SNTG2: variants seen among roughly 807,000 people sequenced by gnomAD.
SNTG2 encodes gamma-2-syntrophin.
In SNTG2, 74 loss-of-function variants were observed where a neutral mutation model predicts 70.9. The observed-to-expected ratio is 1.04, with a 90% confidence interval of 0.86 to 1.27. SNTG2 has a LOEUF of 1.27. Among genes scored for constraint, SNTG2 ranks in the 50% most tolerant of loss-of-function variants. The probability of loss-of-function intolerance (pLI) is 0.00; values close to 1 mark genes in which losing one functional copy is unlikely to be tolerated. For missense variants in SNTG2, 717 were observed against 690.7 expected, an observed-to-expected ratio of 1.04 and a Z score of -0.43; for synonymous variants, 278 against 273.8, an observed-to-expected ratio of 1.02 and a Z score of -0.15.
In SNTG2 at chr2:1,209,116, C is replaced by G; in HGVS notation, c.605C>G (p.Pro202Arg). 6.2e-7 allele frequency: 1 copy of G among 1,613,972 alleles called. No individual in the cohort carries two copies. Among genetic ancestry groups the G allele is most frequent in the Non-Finnish European group, 8.5e-7 (1 of 1,179,902 alleles). The stretch of plus-strand genomic sequence containing the variant: ...TCTTCTGTACAGGCCCCATCGTCAC[C>G]TTCCTCGCCCATAGCTAAGGACCCG... ...GNSSTTAPSS[P>R]SSPIAKDPRY... The change falls in exon 9 of 17, where the codon CCT (proline) becomes CGT (arginine). Residue 202 changes from proline to arginine, a missense_variant. Physicochemically the swap from Pro to Arg is moderately radical, Grantham distance 103. Transcript: ENST00000308624.
intron 1 of SNTG2, among the ~76,000 whole-genome samples, chr2:1,069,981 C>T (rs1663417750): frequency 6.6e-6 from 1 of 152,074 alleles, no homozygotes; most frequent in Non-Finnish European, 1.5e-5. Flanking sequence ...CACTGTTTCT[C>T]CCTCCAAGTC....
At chr2:1,120,158 TG>T (rs1667292098) in intron 4 of SNTG2, among the ~76,000 whole-genome samples, 2 of 152,150 alleles carry the variant, frequency 1.3e-5, no homozygotes, top group African/African-American at 4.8e-5. Context: ...GTAATTACCT[TG>T]GATATTCCAA....
At chr2:1,044,438 G>GT (rs1292398973) in intron 1 of SNTG2, among the ~76,000 whole-genome samples, 1 of 152,166 alleles carries the variant, frequency 6.6e-6, no homozygotes, top group African/African-American at 2.4e-5. Flanking sequence ...GTTGAAAGGA[G>GT]TGGTGAGAGG....
At chr2:1,215,533 C>T (rs1282590944) in intron 9 of SNTG2, among the ~76,000 whole-genome samples, 3 of 146,832 alleles carry the variant, frequency 2.0e-5, no homozygotes, top group African/African-American at 5.2e-5. Flanking sequence ...GCGTGTTTTA[C>T]ACTAATTCTT....
In SNTG2 at chr2:1,314,872, C is replaced by A. The variant is rs190170447; in HGVS notation, c.1378-1393C>A. Among the ~76,000 whole-genome samples the A allele has an allele frequency of 2.0e-5, 3 of 152,240 alleles. No individual in the cohort carries two copies. The East Asian group carries it at 5.8e-4, about 30-fold the overall frequency. On this transcript the variant is annotated intron_variant, in intron 15 of 16. Coordinates refer to ENST00000308624, the MANE Select transcript of SNTG2 (RefSeq NM_018968.4). ...GCAGGGGAACTGCCCCTTATAAAAC[C>A]ATCAGATCATGTGAGACTTAGTCAC...
chr2:981,287 G>A lies in SNTG2; in HGVS notation c.72+30219G>A, dbSNP rs533638783. On this transcript the variant is annotated intron_variant, in intron 1 of 16. Transcript: ENST00000308624. ...TGGCAGTGGTTTGGGTGATTTCCAG[G>A]CTGGGCCCTGTTGATTCACATGAAA... 5.5e-4 allele frequency among the ~76,000 whole-genome samples: 84 copies of A among 152,312 alleles called. 2 individuals carry two copies. In the South Asian group the frequency reaches 0.015, roughly 28 times the overall value.
intron 1 of SNTG2, among the ~76,000 whole-genome samples, chr2:1,058,015 A>C (rs1450570692): frequency 6.6e-6 from 1 of 152,130 alleles, no homozygotes; most frequent in Non-Finnish European, 1.5e-5. Flanking sequence ...TGACAGAGGG[A>C]GACACTATCT....
chr2:1,208,128 C>G (rs1431509229), intron 8 of SNTG2, among the ~76,000 whole-genome samples: 1 of 152,190 alleles, frequency 6.6e-6, no homozygotes, highest in South Asian at 2.1e-4. Flanking sequence ...GTCCACAGAG[C>G]CCGGAGCTCA....
intron 6 of SNTG2, among the ~76,000 whole-genome samples, chr2:1,156,242 A>C (rs1669889579): frequency 2.0e-5 from 3 of 152,192 alleles, no homozygotes; most frequent in Admixed American, 2.0e-4. Context: ...AGGCGAATGC[A>C]TGGGGCAGAG....
chr2:1,231,256 A>G (rs189719106), intron 9 of SNTG2, among the ~76,000 whole-genome samples: 8 of 152,144 alleles, frequency 5.3e-5, no homozygotes, highest in Admixed American at 4.6e-4. Flanking sequence ...CCATAGGGTA[A>G]CTGCGGGGGT....
chr2:1,110,368 A>G (rs940070691), intron 4 of SNTG2, among the ~76,000 whole-genome samples: 6 of 152,220 alleles, frequency 3.9e-5, no homozygotes, highest in African/African-American at 1.4e-4. Context: ...TCTTAGTGCC[A>G]TGCACATGCC....
intron 16 of SNTG2, among the ~76,000 whole-genome samples, chr2:1,337,208 A>G (rs985170275): frequency 6.6e-6 from 1 of 152,178 alleles, no homozygotes; most frequent in Admixed American, 6.5e-5. Context: ...GTATTGAACA[A>G]GAGTAGAATT....
intron 14 of SNTG2, among the ~76,000 whole-genome samples, chr2:1,289,760 C>T (rs1014835116): frequency 2.6e-5 from 4 of 152,136 alleles, no homozygotes; most frequent in Admixed American, 2.0e-4. Context: ...CTTGCAAAGC[C>T]GAAGCTCCAT....
rs149610865 is a variant in SNTG2, at chr2:1,021,776, TTTA to T, written c.73-61729_73-61727del. On this transcript the variant is annotated intron_variant, in intron 1 of 16. Transcript: ENST00000308624. ...ATAGGAATGCACCACCATGCCCGGATTTATTATTATTATTAATTTTTGTAAAGA... is the reference window on the plus strand; with the variant it reads ...ATAGGAATGCACCACCATGCCCGGATTTATTATTATTAATTTTTGTAAAGA... Among the ~76,000 whole-genome samples, 1,166 of 151,644 alleles carry T rather than the reference TTTA, an allele frequency of 7.7e-3. 21 individuals are homozygous for T. The highest frequency in any genetic ancestry group is 0.026 in the African/African-American group (1,088 of 41,354).
intron 14 of SNTG2, among the ~76,000 whole-genome samples, chr2:1,293,798 C>T (rs565791855): frequency 2.6e-5 from 4 of 152,208 alleles, no homozygotes; most frequent in African/African-American, 7.2e-5. Flanking sequence ...AGTATGATAT[C>T]TACATGGGAG....
chr2:1,242,212 A>C (rs1248361671), intron 11 of SNTG2, among the ~76,000 whole-genome samples: 3 of 152,186 alleles, frequency 2.0e-5, no homozygotes, highest in African/African-American at 7.2e-5. Flanking sequence ...TAAATTTAAG[A>C]CATTAGGCCC....
intron 1 of SNTG2, among the ~76,000 whole-genome samples, chr2:992,375 G>A (rs1661527469): frequency 6.6e-6 from 1 of 152,170 alleles, no homozygotes; most frequent in Non-Finnish European, 1.5e-5. Context: ...TGAAACAGAT[G>A]TGATAATCAA....
chr2:1,183,655 TTA>T (rs529351951), intron 8 of SNTG2, among the ~76,000 whole-genome samples: 1 of 152,334 alleles, frequency 6.6e-6, no homozygotes, highest in Admixed American at 6.5e-5. Context: ...TTTATTTTTA[TTA>T]TATATATGTG....
chr2:1,019,918 C>T (rs1660066505), intron 1 of SNTG2, among the ~76,000 whole-genome samples: 1 of 152,142 alleles, frequency 6.6e-6, no homozygotes, highest in Non-Finnish European at 1.5e-5. Flanking sequence ...TGGCGGGCAC[C>T]TGTAATCCCA....
Sources: allele counts gnomAD v4.1 joint callset (sites outside exome capture counted in the v4.1 genomes callset), GRCh38; gene constraint gnomAD v4.1.1; transcripts MANE v1.5; gene names NCBI Gene and HGNC (gene_info 2026-07-23, HGNC 2026-07-21).